Variants in DGKZ observed in about 807,000 individuals in gnomAD.
DGKZ encodes the protein diacylglycerol kinase zeta.
A neutral mutation model predicts 142.5 loss-of-function variants in DGKZ; 45 were observed. That is an observed-to-expected ratio of 0.32 (90% CI 0.25 to 0.40). The LOEUF is 0.40. DGKZ is among the 10% of genes least tolerant of loss of function. The pLI is 1.00. For missense variants in DGKZ, 755 were observed against 1,306.5 expected (o/e 0.58, Z 6.51); for synonymous variants, 442 against 527.0 (o/e 0.84, Z 2.21).
chr11:46,376,439 C>T lies in DGKZ; in HGVS notation c.2161+42C>T. ...GGTGCCAAGCTGTTTCGTGTTCCCT[C>T]CCTAGGGGATCCCAGGTAGGGGCAG... On this transcript the variant is annotated intron_variant, in intron 23 of 30. Transcript: ENST00000527911. The T allele has an allele frequency of 1.2e-6, 2 of 1,613,832 alleles. 1 individual carries two copies. Among genetic ancestry groups the T allele is most frequent in the South Asian group, 2.2e-5 (2 of 91,082 alleles).
chr11:46,375,809 A>C, intron 20 of DGKZ, 42 bp from the exon 21 acceptor site: 7 of 1,544,712 alleles, frequency 4.5e-6, no homozygotes, highest in Non-Finnish European at 6.1e-6. Context: ...GCACCAAGGC[A>C]GGGCCCTTGC....
intron 1 of DGKZ, among the ~76,000 whole-genome samples, chr11:46,349,295 C>A (rs1365181974): frequency 6.6e-6 from 1 of 152,176 alleles, no homozygotes; most frequent in African/African-American, 2.4e-5. Context: ...CAGTTTACAC[C>A]CAGCTCTGCA....
intron 1 of DGKZ, among the ~76,000 whole-genome samples, chr11:46,348,213 C>T (rs1940915458): frequency 6.6e-6 from 1 of 152,168 alleles, no homozygotes; most frequent in East Asian, 1.9e-4. Context: ...ACTGATAGAA[C>T]AGGGCCTCTC....
In DGKZ at chr11:46,376,567, G is replaced by A; in HGVS notation, c.2202+3G>A. 6.2e-7 allele frequency: 1 copy of A among 1,613,420 alleles called. No homozygotes were observed. Among genetic ancestry groups the A allele is most frequent in the South Asian group, 1.1e-5 (1 of 91,084 alleles). On this transcript the variant is annotated splice_donor_region_variant and intron_variant, in intron 24 of 30. Transcript: ENST00000527911. ...TCTACAGGATCGACCGAGCCCAGGT[G>A]AGCGATTGCAGGCCTGCTCCAGCCA...
chr11:46,371,256 G>C (rs1943910942), intron 6 of DGKZ, 57 bp from the exon 7 acceptor site: 2 of 1,543,084 alleles, frequency 1.3e-6, no homozygotes, highest in Admixed American at 3.4e-5. Flanking sequence ...CCAGGAGAGG[G>C]GCTGGGTCTG....
intron 1 of DGKZ, among the ~76,000 whole-genome samples, chr11:46,349,564 A>C (rs1654647437): frequency 6.6e-6 from 1 of 151,998 alleles, no homozygotes; most frequent in African/African-American, 2.4e-5. Flanking sequence ...GTAAAACAAA[A>C]AAAAACCAAT....
Position 46,380,064 on chromosome 11 carries a change from A to G in DGKZ, c.*117A>G, listed in dbSNP as rs1945049379. 1.4e-5 allele frequency: 15 copies of G among 1,073,512 alleles called. No homozygotes were observed. The South Asian group carries it at 1.9e-4, about 14-fold the overall frequency. The allele number at this position is 1,073,512 out of a possible 1,614,324, so 66.5% of individuals were successfully genotyped here. On this transcript the variant is annotated 3_prime_UTR_variant, in exon 31 of 31. Transcript: ENST00000527911. ...ACGGGGGGACCTAGGCCCCAGGGAAAGAGCCCCATGCCGCCCCCTAAGGAG... is the reference window on the plus strand; with the variant it reads ...ACGGGGGGACCTAGGCCCCAGGGAAGGAGCCCCATGCCGCCCCCTAAGGAG...
At chr11:46,373,101 G>A (rs1944138072) in exon 14 of DGKZ, 6 of 1,542,862 alleles carry the variant, frequency 3.9e-6, no homozygotes, top group Non-Finnish European at 5.2e-6. Context: ...CCACCGACCG[G>A]GTAAGTTGGC....
At chr11:46,351,477 C>G (rs1941373465) in intron 1 of DGKZ, among the ~76,000 whole-genome samples, 1 of 152,178 alleles carries the variant, frequency 6.6e-6, no homozygotes, top group Non-Finnish European at 1.5e-5. Flanking sequence ...GCAGAGGGTG[C>G]CCAGCGGGTG....
In DGKZ at chr11:46,377,654, C is replaced by T. The variant is rs72910089; in HGVS notation, c.2342+442C>T. The T allele has an allele frequency of 5.6e-3, 1,255 of 225,782 alleles. 6 individuals are homozygous for T. The highest frequency in any genetic ancestry group is 0.011 in the Middle Eastern group (7 of 632). The allele number at this position is 225,782 out of a possible 1,614,324, so 14.0% of individuals were successfully genotyped here. ...CCTAGAAGCTTCTTTCTCAGCAGCC[C>T]TTTGGACGTGGATTCTCCCCAGGCC... On this transcript the variant is annotated intron_variant, in intron 25 of 30. Transcript: ENST00000527911.
chr11:46,363,874 C>T (rs1014815306), intron 1 of DGKZ, among the ~76,000 whole-genome samples: 2 of 152,312 alleles, frequency 1.3e-5, no homozygotes, highest in East Asian at 3.9e-4. Flanking sequence ...TGACACAAAG[C>T]AGGCCCCAGG....
chr11:46,355,984 G>C (rs1049625947), intron 1 of DGKZ, among the ~76,000 whole-genome samples: 1 of 152,186 alleles, frequency 6.6e-6, no homozygotes, highest in Non-Finnish European at 1.5e-5. Context: ...GACCTCAGGT[G>C]ATCTGCCCGC....
At chr11:46,378,322 C>A in intron 26 of DGKZ, 93 bp downstream of exon 26, 1 of 1,541,986 alleles carries the variant, frequency 6.5e-7, no homozygotes, top group Non-Finnish European at 8.8e-7. Flanking sequence ...CAGCCTTACA[C>A]AAACACAGCC....
intron 14 of DGKZ, 151 bp downstream of exon 14, chr11:46,373,252 C>T (rs1944161520): frequency 1.7e-6 from 1 of 599,902 alleles, no homozygotes; most frequent in Non-Finnish European, 2.5e-6. Flanking sequence ...GTACTTGCCT[C>T]ACAAGATGCT....
chr11:46,362,297 T>C (rs1942751407), intron 1 of DGKZ, among the ~76,000 whole-genome samples: 2 of 152,080 alleles, frequency 1.3e-5, no homozygotes, highest in African/African-American at 4.8e-5. Context: ...TGAGAGCAAC[T>C]CAGGGGGCCA....
Position 46,379,451 on chromosome 11 carries a change from CA to C in DGKZ, c.2574-2del, listed in dbSNP as rs1171024250. On this transcript the variant is annotated splice_acceptor_variant, in intron 29 of 30. Coordinates refer to ENST00000527911, the Ensembl canonical transcript of DGKZ. LOFTEE classifies it high-confidence loss of function. ...CAGGGGACGGGATGGGGTACACAGC[CA>C]GCCCCTGCTCCCCCAGCGGGGAGAC... 1 of 1,603,366 alleles carries C rather than the reference CA, an allele frequency of 6.2e-7. No homozygotes were observed. The highest frequency in any genetic ancestry group is 1.1e-5 in the South Asian group (1 of 89,712).
rs766973170 is a variant in DGKZ, at chr11:46,372,113, C to G, written c.870C>G (p.Pro290=). 4 of 1,611,986 alleles carry G rather than the reference C, an allele frequency of 2.5e-6. No homozygotes were observed. The highest frequency in any genetic ancestry group is 2.7e-5 in the African/African-American group (2 of 74,862). ...GACCCTTCATCATCAGGCCCACCCC[C>G]TCCCCGCTCATGAAGCCCCTGCTGG... is the stretch of plus-strand genomic sequence containing the variant. Residue 290 remains proline, a synonymous_variant, in exon 10 of 31, where the codon CCC becomes CCG. Coordinates refer to ENST00000527911, the Ensembl canonical transcript of DGKZ. This position sits in a 1 kb window ranked among gnomAD's most constrained non-coding sequence, Gnocchi z 5.9.
intron 1 of DGKZ, among the ~76,000 whole-genome samples, chr11:46,353,601 C>CAGGG (rs1333601907): frequency 6.6e-6 from 1 of 152,200 alleles, no homozygotes; most frequent in Non-Finnish European, 1.5e-5. Flanking sequence ...TTTAAGGGCG[C>CAGGG]AGGGAGTCTA....
exon 8 of DGKZ, chr11:46,371,533 C>T (rs1282940744): frequency 1.9e-6 from 3 of 1,610,148 alleles, no homozygotes; most frequent in African/African-American, 1.3e-5. Context: ...ATCGAGGAGC[C>T]GTGCTCGCTG....
Sources: allele counts gnomAD v4.1 joint callset (sites outside exome capture counted in the v4.1 genomes callset), GRCh38; gene constraint gnomAD v4.1.1; non-coding constraint Gnocchi (gnomAD v3.1); transcripts MANE v1.5; gene names NCBI Gene and HGNC (gene_info 2026-07-23, HGNC 2026-07-21).